ZNF215: variants seen among roughly 807,000 people sequenced by gnomAD.
ZNF215 encodes the protein zinc finger protein 215, also known as BWSCR2-associated zinc finger protein 2.
Under a neutral mutation model 27.2 loss-of-function variants are expected in ZNF215, and 24 were observed. The observed-to-expected ratio is 0.88, with a 90% confidence interval of 0.64 to 1.24. The LOEUF (loss-of-function observed/expected upper bound fraction) is 1.24. Among genes scored for constraint, ZNF215 ranks in the 50% most tolerant of loss-of-function variants. The pLI is 0.00. For missense variants in ZNF215, 675 were observed against 605.7 expected (o/e 1.11, Z -1.20); for synonymous variants, 210 against 204.0 (o/e 1.03, Z -0.25).
chr11:6,961,470 G>A (rs567123923), downstream of ZNF215, among the ~76,000 whole-genome samples: 15 of 152,226 alleles, frequency 9.9e-5, no homozygotes, highest in African/African-American at 3.6e-4. Flanking sequence ...AAAGAATGGG[G>A]TGCCCAAATT....
chr11:6,956,877 T>G lies in ZNF215; in HGVS notation c.*346T>G. 9.9e-7 allele frequency: 1 copy of G among 1,010,368 alleles called. No homozygotes were observed. The highest frequency in any genetic ancestry group is 4.4e-5 in the South Asian group (1 of 22,722). The allele number at this position is 1,010,368 out of a possible 1,614,324, so 62.6% of individuals were successfully genotyped here. A position where few individuals can be genotyped will look rare whatever the true frequency, so the allele number is the denominator to read the frequency against. ...ATATCCACCTGATTTATTGACGAAGTAGACATTAGGCAAAGCCAAACAATA... is the reference window on the plus strand; with the variant it reads ...ATATCCACCTGATTTATTGACGAAGGAGACATTAGGCAAAGCCAAACAATA... On this transcript the variant is annotated 3_prime_UTR_variant, in exon 7 of 7. Transcript: ENST00000278319.
chr11:6,956,431 C>T lies in ZNF215; in HGVS notation c.1454C>T (p.Thr485Met), dbSNP rs545734774. The T allele has an allele frequency of 2.0e-5, 32 of 1,614,068 alleles. No homozygotes were observed. The highest frequency in any genetic ancestry group is 1.1e-4 in the East Asian group (5 of 44,874). The change falls in exon 7 of 7, where the codon ACG (threonine) becomes ATG (methionine). Residue 485 changes from threonine to methionine, a missense_variant. By Grantham distance (81) the Thr-to-Met change is moderately conservative (BLOSUM62 -1). Transcript: ENST00000278319. ...CTTATTCGACACCAAATGATTCACA[C>T]GGGAGAGAAACCATTCAAATGTAAG... ...SSLIRHQMIH[T>M]GEKPFKCKEC... is the part of the protein sequence containing the mutation.
downstream of ZNF215, among the ~76,000 whole-genome samples, chr11:6,987,454 T>A (rs1590091867): frequency 6.6e-6 from 1 of 152,306 alleles, no homozygotes; most frequent in South Asian, 2.1e-4. Flanking sequence ...CATTAATTTG[T>A]GCTCCAAACT....
At chr11:6,935,870 G>A (rs1849419995) in intron 3 of ZNF215, among the ~76,000 whole-genome samples, 1 of 152,004 alleles carries the variant, frequency 6.6e-6, no homozygotes, top group South Asian at 2.1e-4. Flanking sequence ...TCCAACTATA[G>A]CAGAATTAGA....
chr11:6,933,756 C>T (rs1244474659), intron 3 of ZNF215, among the ~76,000 whole-genome samples: 1 of 142,566 alleles, frequency 7.0e-6, no homozygotes, highest in Non-Finnish European at 1.5e-5. Context: ...GATGGCGCCA[C>T]TGCACTCCAG....
chr11:6,965,886 T>C (rs113918690), intron 5 of ZNF215, among the ~76,000 whole-genome samples: 128 of 152,308 alleles, frequency 8.4e-4, no homozygotes, highest in African/African-American at 3.0e-3. Flanking sequence ...TTTTCTTGTA[T>C]GCCTTGGTCT....
chr11:6,979,467 T>C (rs1850904448), intron 5 of ZNF215, among the ~76,000 whole-genome samples: 1 of 152,086 alleles, frequency 6.6e-6, no homozygotes, highest in African/African-American at 2.4e-5. Context: ...TACTTATATC[T>C]GTTTATAAGT....
downstream of ZNF215, among the ~76,000 whole-genome samples, chr11:6,961,855 A>G (rs185677220): frequency 6.6e-6 from 1 of 152,076 alleles, no homozygotes. Context: ...CTTTTATTCT[A>G]TTCTAACAGT....
At chr11:6,979,938 C>T (rs1341371838) in intron 5 of ZNF215, among the ~76,000 whole-genome samples, 1 of 151,982 alleles carries the variant, frequency 6.6e-6, no homozygotes, top group African/African-American at 2.4e-5. Flanking sequence ...TTTTGTTTTT[C>T]AACCAACTTC....
intron 5 of ZNF215, among the ~76,000 whole-genome samples, chr11:6,969,097 C>G (rs770620590): frequency 3.3e-5 from 5 of 152,230 alleles, no homozygotes; most frequent in Non-Finnish European, 5.9e-5. Flanking sequence ...TGTTGAATCA[C>G]TGGATTTGAT....
intron 2 of ZNF215, among the ~76,000 whole-genome samples, chr11:6,931,302 G>A (rs977184072): frequency 6.6e-6 from 1 of 152,166 alleles, no homozygotes; most frequent in Non-Finnish European, 1.5e-5. Flanking sequence ...GGCTCCTGGG[G>A]GAATTCTTTT....
chr11:6,956,198 T>C lies in ZNF215; in HGVS notation c.1221T>C (p.Tyr407=), dbSNP rs752525825. ...HQIIHTGEKP[Y]KCSECGRFFN... ...TCATTCACACAGGAGAGAAACCCTA[T>C]AAATGCAGTGAATGTGGGAGATTCT... The change falls in exon 7 of 7, where the codon TAT becomes TAC. Residue 407 remains tyrosine (Y), a synonymous_variant. Coordinates refer to ENST00000278319, the MANE Select transcript of ZNF215 (RefSeq NM_013250.4). 1 of 1,613,230 alleles carries C rather than the reference T, an allele frequency of 6.2e-7. No homozygotes were observed. The highest frequency in any genetic ancestry group is 8.5e-7 in the Non-Finnish European group (1 of 1,179,770).
chr11:6,966,747 G>T (rs1047384543), intron 5 of ZNF215, among the ~76,000 whole-genome samples: 1 of 150,394 alleles, frequency 6.6e-6, no homozygotes, highest in African/African-American at 2.4e-5. Flanking sequence ...CTTGATTTGG[G>T]TGTACTTTTT....
chr11:6,931,336 C>T (rs957424654), intron 2 of ZNF215, among the ~76,000 whole-genome samples: 7 of 152,176 alleles, frequency 4.6e-5, no homozygotes, highest in African/African-American at 1.4e-4. Flanking sequence ...TCCTACACCA[C>T]GTTTATGGGT....
chr11:6,961,732 CA>C (rs1317934014), downstream of ZNF215, among the ~76,000 whole-genome samples: 1 of 152,122 alleles, frequency 6.6e-6, no homozygotes, highest in Non-Finnish European at 1.5e-5. Flanking sequence ...TCCATATGTT[CA>C]TTCCCTAGGG....
chr11:6,986,293 C>T (rs1161293735), downstream of ZNF215, among the ~76,000 whole-genome samples: 1 of 152,014 alleles, frequency 6.6e-6, no homozygotes, highest in African/African-American at 2.4e-5. Context: ...ACTCCCTATT[C>T]AATAAATGAT....
chr11:6,931,072 C>T (rs1279980238), intron 2 of ZNF215, among the ~76,000 whole-genome samples: 2 of 152,160 alleles, frequency 1.3e-5, no homozygotes, highest in African/African-American at 4.8e-5. Flanking sequence ...CTAAACATTG[C>T]CAGATTTCCC....
Position 6,941,586 on chromosome 11 carries a change from A to G in ZNF215, c.416A>G (p.Asp139Gly). The G allele has an allele frequency of 6.2e-7, 1 of 1,614,054 alleles. No individual in the cohort carries two copies. The highest frequency in any genetic ancestry group is 8.5e-7 in the Non-Finnish European group (1 of 1,179,914). ...MLEDEDMPCK[D>G]SALQMGSIKE... is the part of the protein sequence containing the mutation. ...TCTTCCTCAGATATGCCCTGCAAGG[A>G]CTCTGCCCTGCAGATGGGGAGCATC... The change falls in exon 4 of 7, where the codon GAC (aspartate) becomes GGC (glycine). Residue 139 changes from aspartate (D) to glycine (G), a missense_variant. By Grantham distance (94) the Asp-to-Gly change is moderately conservative. Transcript: ENST00000278319.
chr11:6,964,559 T>C (rs1850578848), intron 5 of ZNF215, among the ~76,000 whole-genome samples: 1 of 152,086 alleles, frequency 6.6e-6, no homozygotes, highest in South Asian at 2.1e-4. Flanking sequence ...AGAACAGTTA[T>C]GTCAGTCCAT....
Sources: allele counts gnomAD v4.1 joint callset (sites outside exome capture counted in the v4.1 genomes callset), GRCh38; gene constraint gnomAD v4.1.1; transcripts MANE v1.5; gene names NCBI Gene and HGNC (gene_info 2026-07-23, HGNC 2026-07-21).